SDK1: variants seen among roughly 807,000 people sequenced by gnomAD.
SDK1 encodes sidekick cell adhesion molecule 1, also known as protein sidekick-1.
A neutral mutation model predicts 245.5 loss-of-function variants in SDK1; 157 were observed. The ratio of observed to expected loss-of-function variants is 0.64; its 90% CI spans 0.56 to 0.73. The LOEUF (loss-of-function observed/expected upper bound fraction) is 0.73, where lower values mean the gene tolerates loss of function less well. SDK1 is among the 30% of genes least tolerant of loss of function. The probability of loss-of-function intolerance (pLI) is 0.00; values close to 1 mark genes in which losing one functional copy is unlikely to be tolerated. For missense variants in SDK1, 3,583 were observed against 3,002.3 expected (o/e 1.19, Z -4.52); for synonymous variants, 1,647 against 1,278.5 (o/e 1.29, Z -6.15).
At chr7:3,661,915 A>C (rs989703617) in intron 4 of SDK1, among the ~76,000 whole-genome samples, 9 of 152,028 alleles carry the variant, frequency 5.9e-5, no homozygotes, top group African/African-American at 2.2e-4. Flanking sequence ...AGCACGTGCA[A>C]CTCTAGAGGG....
intron 1 of SDK1, among the ~76,000 whole-genome samples, chr7:3,574,226 C>T (rs1031946207): frequency 6.6e-5 from 10 of 151,594 alleles, no homozygotes; most frequent in Non-Finnish European, 1.2e-4. Flanking sequence ...AAGCAATTCT[C>T]CTGTCTCAGC....
chr7:3,928,294 T>G (rs1779848817), intron 5 of SDK1, among the ~76,000 whole-genome samples: 1 of 152,208 alleles, frequency 6.6e-6, no homozygotes, highest in African/African-American at 2.4e-5. Context: ...CTTTATTTAT[T>G]TATTTATTTT....
intron 22 of SDK1, among the ~76,000 whole-genome samples, chr7:4,081,282 T>A (rs1174955828): frequency 1.3e-5 from 2 of 152,184 alleles, no homozygotes; most frequent in Non-Finnish European, 2.9e-5. Context: ...TTGGGCAACG[T>A]GGCCCTGTGT....
At chr7:4,220,306 C>T (rs1033555886) in intron 39 of SDK1, 36 bp downstream of exon 39, 30 of 1,594,032 alleles carry the variant, frequency 1.9e-5, no homozygotes, top group Non-Finnish European at 2.3e-5. Context: ...ATGTCAATTG[C>T]AACTTTAGCC....
In SDK1 at chr7:3,621,639, C is replaced by T. The variant is rs372547747; in HGVS notation, c.458+2400C>T. On this transcript the variant is annotated intron_variant, in intron 2 of 44. Coordinates refer to ENST00000404826, the MANE Select transcript of SDK1 (RefSeq NM_152744.4). ...CCAAGAACAGGCCTTTGTGTAGGCA[C>T]CAAGCCATTTCTCTTTTCCGACCAC... Among the ~76,000 whole-genome samples, 312 of 152,256 alleles carry T rather than the reference C, an allele frequency of 2.0e-3. 3 individuals are homozygous for T. Among genetic ancestry groups the T allele is most frequent in the African/African-American group, 7.2e-3 (301 of 41,538 alleles).
rs201100832 is a variant in SDK1 at position 4,077,202 on chromosome 7, G to A, written c.3202+13G>A. 3.9e-5 allele frequency: 63 copies of A among 1,611,976 alleles called. No individual in the cohort carries two copies. The highest frequency in any genetic ancestry group is 1.6e-4 in the Middle Eastern group (1 of 6,074). On this transcript the variant is annotated intron_variant, in intron 21 of 44. Coordinates refer to ENST00000404826, the MANE Select transcript of SDK1 (RefSeq NM_152744.4). The stretch of plus-strand genomic sequence containing the variant: ...GGAGTGCCCCCAGGTCAGTAGAATC[G>A]TGTGCGGTCCTCCTGCTGTCACCTT...
intron 4 of SDK1, among the ~76,000 whole-genome samples, chr7:3,664,808 CA>C (rs1783477742): frequency 6.6e-6 from 1 of 151,848 alleles, no homozygotes. Flanking sequence ...TTCAAATCTG[CA>C]TGTGTTCTAA....
chr7:3,869,655 A>G (rs919268491), intron 5 of SDK1, among the ~76,000 whole-genome samples: 1 of 152,122 alleles, frequency 6.6e-6, no homozygotes, highest in Non-Finnish European at 1.5e-5. Flanking sequence ...TTTTTCTTGC[A>G]AATCAGAAAA....
chr7:3,567,301 A>C lies in SDK1; in HGVS notation c.299-51779A>C, dbSNP rs150085342. Among the ~76,000 whole-genome samples, 546 of 152,300 alleles carry C rather than the reference A, an allele frequency of 3.6e-3. 6 individuals are homozygous for C. The highest frequency in any genetic ancestry group is 0.012 in the African/African-American group (500 of 41,560). Reference sequence around the variant, plus strand: ...GCTTCGTGGGTTGTTGTGAGAATGAAATGGCTTGATACCTGCAACAGGATT... The same window carrying C: ...GCTTCGTGGGTTGTTGTGAGAATGACATGGCTTGATACCTGCAACAGGATT... On this transcript the variant is annotated intron_variant, in intron 1 of 44. Transcript: ENST00000404826.
At chr7:4,213,519 A>G (rs1784615790) in intron 38 of SDK1, among the ~76,000 whole-genome samples, 1 of 151,552 alleles carries the variant, frequency 6.6e-6, no homozygotes, top group East Asian at 1.9e-4. Context: ...CGGGAGGTGG[A>G]GGCTGCAGTG....
At chr7:3,592,192 C>G (rs1278654769) in intron 1 of SDK1, among the ~76,000 whole-genome samples, 1 of 152,156 alleles carries the variant, frequency 6.6e-6, no homozygotes, top group African/African-American at 2.4e-5. Context: ...TAGAGCTCCT[C>G]AAGTCATTAT....
intron 1 of SDK1, among the ~76,000 whole-genome samples, chr7:3,478,366 T>G (rs182108372): frequency 1.7e-3 from 256 of 152,250 alleles, no homozygotes; most frequent in African/African-American, 6.0e-3. Context: ...GCATAATATA[T>G]TATTAGTGCT....
chr7:4,068,761 G>T (rs552324216), intron 20 of SDK1, among the ~76,000 whole-genome samples: 1 of 145,384 alleles, frequency 6.9e-6, no homozygotes, highest in Non-Finnish European at 1.5e-5. Context: ...TTGCTCTCTC[G>T]CCCAGGCTGG....
chr7:3,576,274 G>C (rs1780288077), intron 1 of SDK1, among the ~76,000 whole-genome samples: 1 of 152,128 alleles, frequency 6.6e-6, no homozygotes, highest in Non-Finnish European at 1.5e-5. Flanking sequence ...CGTCACCGTT[G>C]TTTACGGAGT....
At position 3,626,408 on chromosome 7, in the gene SDK1, C is replaced by T. The variant is rs182420609; in HGVS notation, c.458+7169C>T. On this transcript the variant is annotated intron_variant, in intron 2 of 44. Coordinates refer to ENST00000404826, the MANE Select transcript of SDK1 (RefSeq NM_152744.4). ...ACTTTATTCAAGAGAGTTAGTAGAA[C>T]AAGCTATTTTTCTTACTGGACCAAG... is the stretch of plus-strand genomic sequence containing the variant. 2.8e-4 allele frequency among the ~76,000 whole-genome samples: 42 copies of T among 152,296 alleles called. 1 individual carries two copies. Among genetic ancestry groups the T allele is most frequent in the Admixed American group, 2.7e-3 (41 of 15,310 alleles).
rs979298436 is a variant in SDK1, at chr7:4,005,342, A to G, written c.2132-5624A>G. ...TTACTGCACCTTCTTTATTGCCTGG[A>G]GACTGGATTTGAGCTGCCTTCCGTT... On this transcript the variant is annotated intron_variant, in intron 14 of 44. Coordinates refer to ENST00000404826, the MANE Select transcript of SDK1 (RefSeq NM_152744.4). 2.0e-4 allele frequency among the ~76,000 whole-genome samples: 30 copies of G among 150,246 alleles called. 1 individual carries two copies. The highest frequency in any genetic ancestry group is 5.9e-5 in the Non-Finnish European group (4 of 67,676).
chr7:3,570,881 G>A (rs1052622934), intron 1 of SDK1, among the ~76,000 whole-genome samples: 1 of 149,722 alleles, frequency 6.7e-6, no homozygotes, highest in African/African-American at 2.4e-5. Flanking sequence ...ATCACAGTTT[G>A]CTTGCTTACT....
At chr7:3,886,155 G>A (rs986840278) in intron 5 of SDK1, among the ~76,000 whole-genome samples, 2 of 152,202 alleles carry the variant, frequency 1.3e-5, no homozygotes, top group Admixed American at 1.3e-4. Context: ...GTTATCCTAC[G>A]TCAGGGATGA....
chr7:3,532,547 T>TGG (rs1209276544), intron 1 of SDK1, among the ~76,000 whole-genome samples: 1 of 152,214 alleles, frequency 6.6e-6, no homozygotes, highest in Non-Finnish European at 1.5e-5. Flanking sequence ...TAAGTAGTGA[T>TGG]GGAACCCTGG....
Sources: allele counts gnomAD v4.1 joint callset (sites outside exome capture counted in the v4.1 genomes callset), GRCh38; gene constraint gnomAD v4.1.1; transcripts MANE v1.5; gene names NCBI Gene and HGNC (gene_info 2026-07-23, HGNC 2026-07-21).